Variants in PDE10A observed in about 807,000 individuals in gnomAD.
The protein encoded by PDE10A is cAMP and cAMP-inhibited cGMP 3',5'-cyclic phosphodiesterase 10A.
Under a neutral mutation model 97.7 loss-of-function variants are expected in PDE10A, and 39 were observed. The observed-to-expected ratio is 0.40, with a 90% confidence interval of 0.31 to 0.52. The LOEUF (loss-of-function observed/expected upper bound fraction) is 0.52, where lower values mean the gene tolerates loss of function less well. PDE10A is among the 20% of genes least tolerant of loss of function. The pLI is 0.56. For missense variants in PDE10A, 731 were observed against 1,047.8 expected (o/e 0.70, Z 4.17); for synonymous variants, 371 against 376.8 (o/e 0.98, Z 0.18).
intron 2 of PDE10A, among the ~76,000 whole-genome samples, chr6:165,527,777 T>C (rs986193692): frequency 6.6e-6 from 1 of 152,204 alleles, no homozygotes; most frequent in Non-Finnish European, 1.5e-5. Flanking sequence ...AAAATGTCCA[T>C]GATCTCCACT....
At chr6:165,823,563 T>C (rs914594213) in intron 1 of PDE10A, among the ~76,000 whole-genome samples, 4 of 112,498 alleles carry the variant, frequency 3.6e-5, no homozygotes, top group Non-Finnish European at 8.5e-5. Flanking sequence ...AATATATGTA[T>C]ACTTTATATA....
intron 1 of PDE10A, among the ~76,000 whole-genome samples, chr6:165,877,753 T>G (rs576275369): frequency 1.8e-4 from 27 of 152,314 alleles, no homozygotes; most frequent in Non-Finnish European, 2.8e-4. Context: ...AAATTAAATA[T>G]AATAATAACT....
intron 1 of PDE10A, among the ~76,000 whole-genome samples, chr6:165,769,914 A>G (rs185439570): frequency 6.6e-6 from 1 of 152,330 alleles, no homozygotes; most frequent in East Asian, 1.9e-4. Flanking sequence ...ACTCTTAGAT[A>G]TAAGTACCTT....
At chr6:165,621,771 A>AAAAAAAAGAAGAAG (rs1554297072) in intron 1 of PDE10A, among the ~76,000 whole-genome samples, 1 of 134,688 alleles carries the variant, frequency 7.4e-6, no homozygotes, top group African/African-American at 2.7e-5. Context: ...AAGAAAAAAA[A>AAAAAAAAGAAGAAG]AAGAAGAAGA....
chr6:165,458,592 A>T (rs1778100894), intron 3 of PDE10A, among the ~76,000 whole-genome samples: 1 of 151,884 alleles, frequency 6.6e-6, no homozygotes, highest in African/African-American at 2.4e-5. Context: ...CAGTAATTCC[A>T]TTTTTCTTAT....
chr6:165,588,281 CTTTTTTTTTT>C (rs1216263426), intron 1 of PDE10A, among the ~76,000 whole-genome samples: 1 of 37,034 alleles, frequency 2.7e-5, no homozygotes, highest in African/African-American at 5.7e-5. Context: ...ATTTTTTTTT[CTTTTTTTTTT>C]TTTTTTTTTT....
intron 1 of PDE10A, among the ~76,000 whole-genome samples, chr6:165,811,479 C>T (rs941915645): frequency 1.7e-4 from 26 of 152,334 alleles, no homozygotes; most frequent in African/African-American, 5.8e-4. Flanking sequence ...CAGCATTATT[C>T]TAGAAGGCCC....
intron 1 of PDE10A, among the ~76,000 whole-genome samples, chr6:165,740,494 G>A (rs953823658): frequency 1.4e-4 from 21 of 151,996 alleles, no homozygotes; most frequent in African/African-American, 4.1e-4. Context: ...CCACGTGCTC[G>A]GCTAATTTTT....
chr6:165,917,985 C>T (rs1481162844), intron 1 of PDE10A, among the ~76,000 whole-genome samples: 1 of 152,206 alleles, frequency 6.6e-6, no homozygotes, highest in Admixed American at 6.5e-5. Flanking sequence ...TTGATAAATA[C>T]TGGACGTCCA....
At chr6:165,505,068 G>T (rs1415355677) in intron 2 of PDE10A, among the ~76,000 whole-genome samples, 2 of 152,144 alleles carry the variant, frequency 1.3e-5, no homozygotes, top group East Asian at 1.9e-4. Flanking sequence ...AAATTCTGGG[G>T]CCTAAAAGCT....
At chr6:165,441,097 C>T (rs116891906) in intron 5 of PDE10A, among the ~76,000 whole-genome samples, 6 of 152,260 alleles carry the variant, frequency 3.9e-5, no homozygotes, top group Non-Finnish European at 8.8e-5. Context: ...GTTTTCTTTG[C>T]TAACCCCAGA....
At chr6:165,411,784 GAA>G (rs1232432731) in intron 13 of PDE10A, among the ~76,000 whole-genome samples, 3 of 152,152 alleles carry the variant, frequency 2.0e-5, no homozygotes, top group Non-Finnish European at 2.9e-5. Flanking sequence ...ATTTAACAGA[GAA>G]AGAGAGAGAC....
At chr6:165,571,456 G>A (rs1324198456) in intron 1 of PDE10A, among the ~76,000 whole-genome samples, 1 of 152,184 alleles carries the variant, frequency 6.6e-6, no homozygotes, top group East Asian at 1.9e-4. Flanking sequence ...TTGAGAGTCA[G>A]TATCACTGCT....
chr6:165,921,835 T>G (rs1782760817), intron 1 of PDE10A, among the ~76,000 whole-genome samples: 1 of 152,182 alleles, frequency 6.6e-6, no homozygotes, highest in Non-Finnish European at 1.5e-5. Flanking sequence ...GAGACTGGCT[T>G]TCCCTTTGAG....
chr6:165,479,865 C>T (rs1779504745), intron 3 of PDE10A, among the ~76,000 whole-genome samples: 2 of 152,148 alleles, frequency 1.3e-5, no homozygotes, highest in South Asian at 4.1e-4. Flanking sequence ...ATAAAACCTA[C>T]AGGTCTGACT....
intron 1 of PDE10A, among the ~76,000 whole-genome samples, chr6:165,891,528 C>T (rs1781794776): frequency 6.6e-6 from 1 of 152,074 alleles, no homozygotes; most frequent in Admixed American, 6.5e-5. Context: ...TCTGATGGGG[C>T]CCTTGTCCAG....
chr6:165,744,910 C>A (rs1792811554), intron 1 of PDE10A, among the ~76,000 whole-genome samples: 1 of 151,648 alleles, frequency 6.6e-6, no homozygotes, highest in African/African-American at 2.4e-5. Flanking sequence ...TAGTGAGATT[C>A]CTGGCCTAAA....
At chr6:165,417,546 G>C (rs940256764) in intron 11 of PDE10A, among the ~76,000 whole-genome samples, 4 of 152,132 alleles carry the variant, frequency 2.6e-5, no homozygotes, top group African/African-American at 9.7e-5. Flanking sequence ...AATGCCAACA[G>C]TGTTAGGAAA....
chr6:165,893,036 T>C (rs1781846757), intron 1 of PDE10A, among the ~76,000 whole-genome samples: 1 of 152,336 alleles, frequency 6.6e-6, no homozygotes, highest in South Asian at 2.1e-4. Flanking sequence ...ATTTAAGCTT[T>C]TATGGGGTGG....
Sources: allele counts gnomAD v4.1 joint callset (sites outside exome capture counted in the v4.1 genomes callset), GRCh38; gene constraint gnomAD v4.1.1; transcripts MANE v1.5; gene names NCBI Gene and HGNC (gene_info 2026-07-23, HGNC 2026-07-21).